The following ANTXR1 variants were observed in gnomAD, a reference collection of about 807,000 sequenced individuals.
ANTXR1 encodes anthrax toxin receptor 1.
ANTXR1 carries 19 observed loss-of-function variants against 78.1 expected under a neutral mutation model. The observed-to-expected ratio is 0.24, with a 90% CI of 0.17 to 0.36. The LOEUF is 0.36. Among genes scored for constraint, ANTXR1 ranks in the 10% least tolerant of loss-of-function variants. The probability of loss-of-function intolerance (pLI) is 1.00; values close to 1 mark genes in which losing one functional copy is unlikely to be tolerated. For missense variants in ANTXR1, 518 were observed against 718.6 expected (o/e 0.72, Z 3.19); for synonymous variants, 273 against 260.5 (o/e 1.05, Z -0.46).
chr2:69,037,159 A>G (rs1205277781), intron 1 of ANTXR1, among the ~76,000 whole-genome samples: 1 of 152,238 alleles, frequency 6.6e-6, no homozygotes, highest in Admixed American at 6.5e-5. Flanking sequence ...GGCGAGAGCC[A>G]TCTGAGTCCC....
chr2:69,187,919 G>T (rs545286788), intron 16 of ANTXR1, among the ~76,000 whole-genome samples: 1 of 151,248 alleles, frequency 6.6e-6, no homozygotes, highest in South Asian at 2.1e-4. Context: ...AAAAAGTCAG[G>T]TGTCAGTTTA....
intron 17 of ANTXR1, among the ~76,000 whole-genome samples, chr2:69,209,356 C>T (rs982001598): frequency 6.6e-6 from 1 of 152,214 alleles, no homozygotes; most frequent in African/African-American, 2.4e-5. Flanking sequence ...CAGTTGTTCC[C>T]ATTCCTGTTT....
At chr2:69,170,554 AT>A (rs1673954686) in intron 14 of ANTXR1, among the ~76,000 whole-genome samples, 1 of 152,240 alleles carries the variant, frequency 6.6e-6, no homozygotes, top group South Asian at 2.1e-4. Context: ...TGAGATGGAA[AT>A]AAATGTTTTT....
At chr2:69,077,922 T>C (rs1407562610) in intron 8 of ANTXR1, among the ~76,000 whole-genome samples, 2 of 152,208 alleles carry the variant, frequency 1.3e-5, no homozygotes, top group Non-Finnish European at 2.9e-5. Flanking sequence ...TCTGCAGAGA[T>C]TTAAAAAGCA....
intron 17 of ANTXR1, among the ~76,000 whole-genome samples, chr2:69,225,914 G>A (rs1055690765): frequency 6.6e-6 from 1 of 152,210 alleles, no homozygotes; most frequent in African/African-American, 2.4e-5. Context: ...GAATTGTGAT[G>A]GCCGGAAAGA....
chr2:69,067,953 A>G (rs1670451765), intron 3 of ANTXR1, among the ~76,000 whole-genome samples: 1 of 152,242 alleles, frequency 6.6e-6, no homozygotes. Context: ...TAGAGGTAAT[A>G]TAAGAAATAC....
At chr2:69,218,463 T>C (rs1304323319) in intron 17 of ANTXR1, among the ~76,000 whole-genome samples, 1 of 152,196 alleles carries the variant, frequency 6.6e-6, no homozygotes, top group Non-Finnish European at 1.5e-5. Context: ...CAGTGTGCCA[T>C]AGCCAGGAAT....
intron 1 of ANTXR1, among the ~76,000 whole-genome samples, chr2:69,025,373 G>C (rs6546468): frequency 0.26 from 39,695 of 152,094 alleles, 10,415 homozygotes; most frequent in African/African-American, 0.66. Flanking sequence ...TCAAGAGATG[G>C]AGAGGAAAAA....
At chr2:69,085,866 G>A (rs146530602) in intron 8 of ANTXR1, among the ~76,000 whole-genome samples, 26 of 152,310 alleles carry the variant, frequency 1.7e-4, no homozygotes, top group African/African-American at 6.3e-4. Flanking sequence ...GAGAGAGCAA[G>A]GCTAACTTAA....
intron 17 of ANTXR1, among the ~76,000 whole-genome samples, chr2:69,203,146 G>A (rs894584189): frequency 1.3e-5 from 2 of 152,136 alleles, no homozygotes; most frequent in African/African-American, 4.8e-5. Context: ...TCTGACACCA[G>A]GTATAAGGTC....
chr2:69,177,835 G>A (rs895385185), intron 14 of ANTXR1, among the ~76,000 whole-genome samples: 1 of 152,156 alleles, frequency 6.6e-6, no homozygotes, highest in Non-Finnish European at 1.5e-5. Flanking sequence ...CCACTCGGGG[G>A]GATTGGGGGT....
chr2:69,063,409 A>T (rs1366521806), intron 3 of ANTXR1, among the ~76,000 whole-genome samples: 2 of 152,178 alleles, frequency 1.3e-5, no homozygotes, highest in Non-Finnish European at 2.9e-5. Context: ...AAATCAACTT[A>T]AAATTCTATA....
At chr2:69,171,215 T>C (rs1389968618) in intron 14 of ANTXR1, among the ~76,000 whole-genome samples, 1 of 152,222 alleles carries the variant, frequency 6.6e-6, no homozygotes, top group Non-Finnish European at 1.5e-5. Flanking sequence ...AATGATTAAA[T>C]TAAAAATTCC....
chr2:69,107,659 C>G (rs2104334556), intron 10 of ANTXR1, among the ~76,000 whole-genome samples: 1 of 151,622 alleles, frequency 6.6e-6, no homozygotes, highest in South Asian at 2.1e-4. Flanking sequence ...TGACAAACAT[C>G]TAAATCAAAT....
At chr2:69,223,002 CAGAA>C (rs766877153) in intron 17 of ANTXR1, among the ~76,000 whole-genome samples, 4 of 152,212 alleles carry the variant, frequency 2.6e-5, no homozygotes, top group Non-Finnish European at 5.9e-5. Context: ...GATTTGCCTT[CAGAA>C]AGAGGCTCTT....
intron 13 of ANTXR1, among the ~76,000 whole-genome samples, chr2:69,161,782 G>T (rs779642522): frequency 6.6e-6 from 1 of 152,144 alleles, no homozygotes; most frequent in Non-Finnish European, 1.5e-5. Flanking sequence ...GCCCTTATTA[G>T]ATGGCTTTTC....
chr2:69,241,064 G>A (rs6546490), intron 17 of ANTXR1, among the ~76,000 whole-genome samples: 2,070 of 152,192 alleles, frequency 0.014, 32 homozygotes, highest in African/African-American at 0.043. Context: ...AAAATAATTG[G>A]CATTCATTCC....
At chr2:69,025,934 G>A (rs1235466863) in intron 1 of ANTXR1, among the ~76,000 whole-genome samples, 1 of 152,134 alleles carries the variant, frequency 6.6e-6, no homozygotes, top group Non-Finnish European at 1.5e-5. Flanking sequence ...AAAGGAAAGG[G>A]GATTGAAGGT....
rs1456201111 is a variant in ANTXR1, at chr2:69,121,361, G to A, written c.803-1656G>A. Among the ~76,000 whole-genome samples, 6 of 152,332 alleles carry A rather than the reference G, an allele frequency of 3.9e-5. No individual in the cohort carries two copies. In the East Asian group the frequency reaches 1.2e-3, roughly 29 times the overall value. On this transcript the variant is annotated intron_variant, in intron 10 of 17. Coordinates refer to ENST00000303714, the MANE Select transcript of ANTXR1 (RefSeq NM_032208.3). The stretch of plus-strand genomic sequence containing the variant: ...GACTGTGTTTCTCTTCTCAAAGCCT[G>A]CATCTCTAGTATATAGTAGGTCTTC...
Sources: gnomAD v4.1 joint callset for allele counts (sites outside exome capture counted in the v4.1 genomes callset) on GRCh38, gnomAD v4.1.1 for gene constraint, MANE v1.5 for transcripts, NCBI Gene and HGNC (gene_info 2026-07-23, HGNC 2026-07-21) for gene names.